NR3C2: variants seen among roughly 807,000 people sequenced by gnomAD.
NR3C2 encodes mineralocorticoid receptor.
In NR3C2, 15 loss-of-function variants were observed where a neutral mutation model predicts 86.4. The observed-to-expected ratio is 0.17, with a 90% CI of 0.12 to 0.27. NR3C2 has a LOEUF of 0.27. Ranked by LOEUF, NR3C2 falls within the 10% of genes least tolerant of loss-of-function variation. The pLI is 1.00. For synonymous variants in NR3C2, 458 were observed against 450.5 expected, an observed-to-expected ratio of 1.02 and a Z score of -0.21; for missense variants, 960 against 1,195.6, an observed-to-expected ratio of 0.80 and a Z score of 2.91.
chr4:148,319,198 A>G (rs1743408515), intron 2 of NR3C2, among the ~76,000 whole-genome samples: 1 of 151,776 alleles, frequency 6.6e-6, no homozygotes, highest in Non-Finnish European at 1.5e-5. Context: ...GATATGTGGC[A>G]TTATTTCTGA....
intron 2 of NR3C2, among the ~76,000 whole-genome samples, chr4:148,384,420 A>T (rs1297091686): frequency 6.6e-6 from 1 of 152,074 alleles, no homozygotes; most frequent in Non-Finnish European, 1.5e-5. Context: ...ATTTTTTCTA[A>T]GAGAAAATAC....
intron 2 of NR3C2, among the ~76,000 whole-genome samples, chr4:148,312,868 T>G: frequency 6.6e-6 from 1 of 152,166 alleles, no homozygotes; most frequent in East Asian, 1.9e-4. Context: ...GCATATGTCT[T>G]TAGTTAAAGA....
chr4:148,140,981 T>C (rs1283726152), intron 6 of NR3C2, among the ~76,000 whole-genome samples: 1 of 152,166 alleles, frequency 6.6e-6, no homozygotes, highest in Non-Finnish European at 1.5e-5. Context: ...GAAGTAAAAT[T>C]TAAAGAAGTC....
intron 3 of NR3C2, among the ~76,000 whole-genome samples, chr4:148,248,669 C>T (rs1739431960): frequency 6.6e-6 from 1 of 152,096 alleles, no homozygotes; most frequent in Non-Finnish European, 1.5e-5. Context: ...TAGAGATCTA[C>T]CTAAACCAGT....
chr4:148,163,370 C>T (rs1734746159), intron 4 of NR3C2, among the ~76,000 whole-genome samples: 1 of 152,184 alleles, frequency 6.6e-6, no homozygotes, highest in South Asian at 2.1e-4. Context: ...CCTGACTTAA[C>T]ATTTGTCTGA....
At chr4:148,181,522 G>A (rs1316755143) in intron 4 of NR3C2, among the ~76,000 whole-genome samples, 2 of 152,190 alleles carry the variant, frequency 1.3e-5, no homozygotes, top group Admixed American at 6.5e-5. Flanking sequence ...TAAATTTAGT[G>A]CTATGCTTTA....
intron 2 of NR3C2, among the ~76,000 whole-genome samples, chr4:148,399,427 A>G (rs1334216274): frequency 6.6e-6 from 1 of 151,822 alleles, no homozygotes; most frequent in Admixed American, 6.6e-5. Context: ...AGTGTATTAT[A>G]TATAATTAAT....
At chr4:148,178,939 AAAAAAAAAC>A (rs1216715141) in intron 4 of NR3C2, among the ~76,000 whole-genome samples, 4 of 150,932 alleles carry the variant, frequency 2.7e-5, no homozygotes, top group African/African-American at 9.7e-5. Flanking sequence ...AGGTAAAAAA[AAAAAAAAAC>A]AAAAAAAAAC....
At chr4:148,441,072 A>G (rs1750315171) in intron 1 of NR3C2, among the ~76,000 whole-genome samples, 1 of 152,172 alleles carries the variant, frequency 6.6e-6, no homozygotes, top group Non-Finnish European at 1.5e-5. Flanking sequence ...AGATGAGGTA[A>G]ATGATAGAAA....
At chr4:148,272,901 T>A (rs1388979108) in intron 2 of NR3C2, among the ~76,000 whole-genome samples, 1 of 152,204 alleles carries the variant, frequency 6.6e-6, no homozygotes, top group Non-Finnish European at 1.5e-5. Context: ...AGTATACCTA[T>A]AAATAGTGAT....
chr4:148,428,624 T>C (rs552037913), intron 2 of NR3C2, among the ~76,000 whole-genome samples: 3 of 152,194 alleles, frequency 2.0e-5, no homozygotes, highest in Admixed American at 6.5e-5. Context: ...ATAATATACT[T>C]TCTTTTTTGT....
intron 2 of NR3C2, among the ~76,000 whole-genome samples, chr4:148,355,306 A>G (rs947190776): frequency 4.6e-5 from 7 of 152,204 alleles, no homozygotes; most frequent in Non-Finnish European, 8.8e-5. Flanking sequence ...TTTATGGAAT[A>G]GAATGCTTCA....
intron 6 of NR3C2, among the ~76,000 whole-genome samples, chr4:148,132,690 T>C (rs767642128): frequency 7.8e-4 from 119 of 152,216 alleles, no homozygotes; most frequent in Non-Finnish European, 1.5e-3. Context: ...GATTTGCTTA[T>C]TCCGAGAAAT....
At chr4:148,262,466 C>A (rs1485374479) in intron 2 of NR3C2, among the ~76,000 whole-genome samples, 4 of 152,096 alleles carry the variant, frequency 2.6e-5, no homozygotes, top group Non-Finnish European at 5.9e-5. Context: ...GTCTAACACG[C>A]ACCTCAACCT....
intron 2 of NR3C2, among the ~76,000 whole-genome samples, chr4:148,310,201 T>C (rs1742839382): frequency 6.6e-6 from 1 of 152,202 alleles, no homozygotes; most frequent in African/African-American, 2.4e-5. Context: ...TTTTAATCGC[T>C]CCACTTGCAT....
intron 4 of NR3C2, among the ~76,000 whole-genome samples, chr4:148,163,581 C>A (rs566270895): frequency 1.3e-5 from 2 of 151,694 alleles, no homozygotes; most frequent in African/African-American, 4.8e-5. Context: ...CTCTCTTCTC[C>A]GCTCTATCCC....
chr4:148,189,533 A>T (rs988547812), intron 4 of NR3C2, among the ~76,000 whole-genome samples: 11 of 152,026 alleles, frequency 7.2e-5, no homozygotes, highest in African/African-American at 2.7e-4. Flanking sequence ...TGGTTCTGGT[A>T]TTAGGGTGAT....
intron 2 of NR3C2, among the ~76,000 whole-genome samples, chr4:148,319,052 T>A (rs1743397726): frequency 6.6e-6 from 1 of 151,156 alleles, no homozygotes; most frequent in African/African-American, 2.4e-5. Flanking sequence ...TTGATTTTTG[T>A]ATAAGGTGTA....
chr4:148,418,692 T>G (rs1229165308), intron 2 of NR3C2, among the ~76,000 whole-genome samples: 1 of 152,204 alleles, frequency 6.6e-6, no homozygotes, highest in Non-Finnish European at 1.5e-5. Flanking sequence ...TCAACAATAA[T>G]AAGAACTAAG....
Sources: gnomAD v4.1 joint callset for allele counts (sites outside exome capture counted in the v4.1 genomes callset) on GRCh38, gnomAD v4.1.1 for gene constraint, MANE v1.5 for transcripts, NCBI Gene and HGNC (gene_info 2026-07-23, HGNC 2026-07-21) for gene names.